HEATR5A: variants seen among roughly 807,000 people sequenced by gnomAD.
HEATR5A encodes the protein HEAT repeat containing 5A.
HEATR5A carries 178 observed loss-of-function variants against 218.8 expected under a neutral mutation model. That is an observed-to-expected ratio of 0.81 (90% confidence interval 0.72 to 0.92). HEATR5A has a LOEUF of 0.92. HEATR5A is among the 40% of genes least tolerant of loss of function. The probability of loss-of-function intolerance (pLI) is 0.00; values close to 1 mark genes in which losing one functional copy is unlikely to be tolerated. For synonymous variants in HEATR5A, 864 were observed against 871.6 expected, an observed-to-expected ratio of 0.99 and a Z score of 0.15; for missense variants, 2,420 against 2,418.9, an observed-to-expected ratio of 1.00 and a Z score of -0.01.
At chr14:31,362,178 A>G (rs544413921) in intron 14 of HEATR5A, among the ~76,000 whole-genome samples, 100 of 152,196 alleles carry the variant, frequency 6.6e-4, no homozygotes, top group Middle Eastern at 3.4e-3. Context: ...CATGTTGGCC[A>G]GGCTGGTCTC....
intron 2 of HEATR5A, among the ~76,000 whole-genome samples, chr14:31,401,688 A>C (rs1444506488): frequency 6.6e-6 from 1 of 152,088 alleles, no homozygotes; most frequent in African/African-American, 2.4e-5. Context: ...ACCATGTCCA[A>C]ATTTGTATTT....
chr14:31,339,774 C>T (rs1474641184), intron 21 of HEATR5A, among the ~76,000 whole-genome samples: 5 of 152,042 alleles, frequency 3.3e-5, no homozygotes, highest in African/African-American at 1.2e-4. Context: ...ATATTGTTAG[C>T]AGGTTAGGAT....
chr14:31,359,543 A>G (rs946269445), intron 14 of HEATR5A, among the ~76,000 whole-genome samples: 1 of 151,882 alleles, frequency 6.6e-6, no homozygotes, highest in African/African-American at 2.4e-5. Context: ...CTTGGCCAAC[A>G]TGGTGAAACC....
At chr14:31,308,505 C>T (rs1461865693) in intron 29 of HEATR5A, among the ~76,000 whole-genome samples, 176 of 56,672 alleles carry the variant, frequency 3.1e-3, no homozygotes, top group Middle Eastern at 9.6e-3. Context: ...AAAACTCTGT[C>T]TAAAAAAAAA....
At chr14:31,294,193 G>GTATT in intron 34 of HEATR5A, 89 bp from the exon 35 acceptor site, 1 of 829,774 alleles carries the variant, frequency 1.2e-6, no homozygotes, top group East Asian at 2.7e-5. Flanking sequence ...AGTAGTGAAG[G>GTATT]TATTTAAATT....
At chr14:31,333,697 G>T (rs1353940853) in intron 22 of HEATR5A, among the ~76,000 whole-genome samples, 3 of 152,128 alleles carry the variant, frequency 2.0e-5, no homozygotes, top group Admixed American at 1.3e-4. Context: ...TTTAATGCCA[G>T]TGTTCACTGA....
intron 6 of HEATR5A, among the ~76,000 whole-genome samples, chr14:31,391,910 TG>T (rs2030469718): frequency 6.6e-6 from 1 of 152,202 alleles, no homozygotes; most frequent in Admixed American, 6.5e-5. Context: ...TCTAGATTTG[TG>T]TAAGTTCACT....
intron 14 of HEATR5A, among the ~76,000 whole-genome samples, chr14:31,359,453 G>A (rs1901542753): frequency 6.6e-6 from 1 of 152,056 alleles, no homozygotes; most frequent in Admixed American, 6.6e-5. Context: ...GAGGCCGGGT[G>A]TGGTGGCTCA....
chr14:31,308,270 G>A (rs985019523), intron 29 of HEATR5A, among the ~76,000 whole-genome samples: 1 of 152,100 alleles, frequency 6.6e-6, no homozygotes, highest in Non-Finnish European at 1.5e-5. Context: ...CACTTTGGGA[G>A]GCCAAGGTGG....
intron 22 of HEATR5A, among the ~76,000 whole-genome samples, chr14:31,335,970 TA>T (rs1251448485): frequency 4.1e-4 from 14 of 34,310 alleles, no homozygotes; most frequent in Admixed American, 1.1e-3. Context: ...GTAAGATAAT[TA>T]CCTTTTTTTT....
At chr14:31,374,605 T>C (rs1902159147) in intron 12 of HEATR5A, among the ~76,000 whole-genome samples, 1 of 152,156 alleles carries the variant, frequency 6.6e-6, no homozygotes, top group African/African-American at 2.4e-5. Context: ...AAAACATGTA[T>C]CTTAAGAACT....
In HEATR5A at chr14:31,318,225, T is replaced by C; in HGVS notation, c.4037A>G (p.Gln1346Arg). Residue 1346 changes from glutamine (Q) to arginine (R), a missense_variant and splice_region_variant, in exon 26 of 36, where the codon CAG becomes CGG. Transcript: ENST00000543095. The part of the protein sequence containing the change: ...TPPDVTAKAC[Q>R]VCSAWIASGV... ...AAGCTTCATCTTTTAACCATTTACC[T>C]GACATGCTTTGGCAGTGACATCAGG... 2 of 1,613,360 alleles carry C rather than the reference T, an allele frequency of 1.2e-6. No individual in the cohort carries two copies. Among genetic ancestry groups the C allele is most frequent in the South Asian group, 1.1e-5 (1 of 91,068 alleles).
intron 22 of HEATR5A, among the ~76,000 whole-genome samples, chr14:31,328,164 G>A (rs1900333594): frequency 6.6e-6 from 1 of 151,936 alleles, no homozygotes; most frequent in South Asian, 2.1e-4. Context: ...ATGTTGGCCA[G>A]GCTGGTCTCG....
chr14:31,409,756 A>C (rs2031210530), intron 1 of HEATR5A, among the ~76,000 whole-genome samples: 1 of 152,222 alleles, frequency 6.6e-6, no homozygotes, highest in Admixed American at 6.5e-5. Flanking sequence ...AAATGAGTTA[A>C]CTTCAATTTT....
At chr14:31,308,841 C>T in intron 29 of HEATR5A, 93 bp downstream of exon 29, 1 of 1,107,500 alleles carries the variant, frequency 9.0e-7, no homozygotes, top group South Asian at 1.7e-5. Context: ...TGCCACTGTA[C>T]TCCAGCCTGG....
chr14:31,350,653 C>T lies in HEATR5A; in HGVS notation c.2476G>A (p.Val826Ile), dbSNP rs1472295536. Residue 826 changes from valine to isoleucine, a missense_variant, in exon 17 of 36, where the codon GTT (valine) becomes ATT (isoleucine). By Grantham distance (29) the Val-to-Ile change is conservative. Coordinates refer to ENST00000543095, the MANE Select transcript of HEATR5A (RefSeq NM_015473.4). ...ACTGAAGAAACAACATGTAACTGAA[C>T]CACTTGCTGACGAGCTCCTTTTGTG... ...KHTKGARQQV[V>I]QLHVVSSVSS... The T allele has an allele frequency of 1.9e-6, 3 of 1,602,468 alleles. No homozygotes were observed. Among genetic ancestry groups the T allele is most frequent in the Non-Finnish European group, 2.6e-6 (3 of 1,173,040 alleles).
At chr14:31,295,660 G>T (rs1899167562) in intron 34 of HEATR5A, 1 of 264,882 alleles carries the variant, frequency 3.8e-6, no homozygotes, top group African/African-American at 2.4e-5. Flanking sequence ...TCAATCTTAA[G>T]ATTCCTCCAC....
chr14:31,319,982 G>A (rs1017455706), intron 25 of HEATR5A, among the ~76,000 whole-genome samples: 1 of 152,010 alleles, frequency 6.6e-6, no homozygotes, highest in African/African-American at 2.4e-5. Context: ...CTCCAGCCTG[G>A]GCAACAGGGT....
Position 31,292,485 on chromosome 14 carries a change from T to C in HEATR5A, c.*820A>G, listed in dbSNP as rs1197324748. The stretch of plus-strand genomic sequence containing the variant: ...GTAAGTAATTTGTACTATTGTATAC[T>C]GGATAATCCTAGACCAGGTTTCCTA... On this transcript the variant is annotated 3_prime_UTR_variant, in exon 36 of 36. Transcript: ENST00000543095. The C allele has an allele frequency of 6.6e-6, 1 of 152,206 alleles. No homozygotes were observed. Among genetic ancestry groups the C allele is most frequent in the Non-Finnish European group, 1.5e-5 (1 of 68,030 alleles). The allele number at this position is 152,206 out of a possible 1,614,324, so 9.4% of individuals were successfully genotyped here. A position where few individuals can be genotyped will look rare whatever the true frequency, so the allele number is the denominator to read the frequency against.
Sources: gnomAD v4.1 joint callset for allele counts (sites outside exome capture counted in the v4.1 genomes callset) on GRCh38, gnomAD v4.1.1 for gene constraint, MANE v1.5 for transcripts, NCBI Gene and HGNC (gene_info 2026-07-23, HGNC 2026-07-21) for gene names.